BMPR1B: variants seen among roughly 807,000 people sequenced by gnomAD.
The protein encoded by BMPR1B is bone morphogenetic protein receptor type 1B.
BMPR1B carries 12 observed loss-of-function variants against 59.1 expected under a neutral mutation model. The ratio of observed to expected loss-of-function variants is 0.20; its 90% confidence interval spans 0.13 to 0.33. The LOEUF is 0.33. Among genes scored for constraint, BMPR1B ranks in the 10% least tolerant of loss-of-function variants. BMPR1B has a pLI of 1.00. For synonymous variants in BMPR1B, 237 were observed against 207.3 expected (o/e 1.14, Z -1.23); for missense variants, 550 against 610.9 (o/e 0.90, Z 1.05).
intron 2 of BMPR1B, among the ~76,000 whole-genome samples, chr4:94,918,353 A>G (rs1728565307): frequency 6.6e-6 from 1 of 152,148 alleles, no homozygotes; most frequent in African/African-American, 2.4e-5. Context: ...AAATGTAGCA[A>G]TAGAATTGTT....
intron 2 of BMPR1B, among the ~76,000 whole-genome samples, chr4:94,940,804 C>T (rs1405768330): frequency 6.6e-6 from 1 of 152,138 alleles, no homozygotes; most frequent in Non-Finnish European, 1.5e-5. Context: ...TGCTTGCTCT[C>T]GCAGTCCTCT....
Position 94,866,676 on chromosome 4 carries a change from C to T in BMPR1B, c.-182-9155C>T, listed in dbSNP as rs1405865476. Among the ~76,000 whole-genome samples the T allele has an allele frequency of 2.6e-5, 4 of 152,274 alleles. No homozygotes were observed. In the East Asian group the frequency reaches 7.8e-4, roughly 30 times the overall value. Reference sequence around the variant, plus strand: ...CTCGGCTTACTGCAACCTCCGACTCCCTGGTTCAAGCGATTCTCCTGCTTC... The same window carrying T: ...CTCGGCTTACTGCAACCTCCGACTCTCTGGTTCAAGCGATTCTCCTGCTTC... On this transcript the variant is annotated intron_variant, in intron 1 of 12. Transcript: ENST00000515059.
chr4:95,121,117 C>G (rs990944709), intron 6 of BMPR1B, among the ~76,000 whole-genome samples: 1 of 152,154 alleles, frequency 6.6e-6, no homozygotes, highest in Non-Finnish European at 1.5e-5. Flanking sequence ...CAGTCAGTAG[C>G]ATTTCTATAC....
At chr4:95,032,196 T>G (rs1179657838) in intron 3 of BMPR1B, among the ~76,000 whole-genome samples, 1 of 152,070 alleles carries the variant, frequency 6.6e-6, no homozygotes, top group Non-Finnish European at 1.5e-5. Flanking sequence ...CCTGGTGAGC[T>G]CCTGCCTCCT....
intron 6 of BMPR1B, among the ~76,000 whole-genome samples, chr4:95,116,809 T>C (rs776737505): frequency 1.3e-5 from 2 of 152,058 alleles, no homozygotes; most frequent in Non-Finnish European, 2.9e-5. Context: ...TTAACATTTG[T>C]TCCTGTTCTA....
At chr4:94,759,326 C>A (rs1015691088) in intron 1 of BMPR1B, among the ~76,000 whole-genome samples, 2 of 152,208 alleles carry the variant, frequency 1.3e-5, no homozygotes, top group African/African-American at 2.4e-5. Context: ...ACCAAACTTA[C>A]CTGCAGCAAA....
chr4:94,926,638 A>G (rs774125006), intron 2 of BMPR1B, among the ~76,000 whole-genome samples: 3 of 152,114 alleles, frequency 2.0e-5, no homozygotes, highest in Admixed American at 1.3e-4. Flanking sequence ...TTATTTGGCT[A>G]TACATTAGGT....
In BMPR1B at chr4:95,156,902, G is replaced by GT. The variant is rs1735468729; in HGVS notation, c.*2229_*2230insT. ...TAAACAGATCATCTACAAAACAACA[G>GT]GTAAACATTTATGCCAGTTAAGTGG... On this transcript the variant is annotated 3_prime_UTR_variant, in exon 13 of 13. Coordinates refer to ENST00000515059, the MANE Select transcript of BMPR1B (RefSeq NM_001203.3). The GT allele has an allele frequency of 6.6e-6, 1 of 152,056 alleles. No individual in the cohort carries two copies. Among genetic ancestry groups the GT allele is most frequent in the African/African-American group, 2.4e-5 (1 of 41,428 alleles). 9.4% of individuals were successfully genotyped at this position (152,056 alleles called of 1,614,324 possible). A position where few individuals can be genotyped will look rare whatever the true frequency, so the allele number is the denominator to read the frequency against.
intron 1 of BMPR1B, among the ~76,000 whole-genome samples, chr4:94,865,399 T>A (rs879232072): frequency 4.0e-5 from 6 of 151,808 alleles, no homozygotes; most frequent in East Asian, 1.9e-4. Context: ...TTTTTTTTTT[T>A]AATTTTTTTG....
intron 3 of BMPR1B, among the ~76,000 whole-genome samples, chr4:95,072,989 G>A (rs17022948): frequency 0.011 from 1,734 of 152,036 alleles, 25 homozygotes; most frequent in African/African-American, 0.038. Flanking sequence ...CTTGCTTTTG[G>A]TTGCATGATA....
At chr4:95,109,418 A>G (rs900484167) in intron 4 of BMPR1B, among the ~76,000 whole-genome samples, 2 of 152,088 alleles carry the variant, frequency 1.3e-5, no homozygotes, top group Non-Finnish European at 1.5e-5. Context: ...AGTTTGTGTT[A>G]ACTCAGGCTT....
chr4:94,866,443 C>A (rs1483622459), intron 1 of BMPR1B, among the ~76,000 whole-genome samples: 3 of 152,092 alleles, frequency 2.0e-5, no homozygotes, highest in African/African-American at 7.2e-5. Flanking sequence ...CTTTTTCATC[C>A]CTGCTAAACT....
chr4:95,086,412 T>TTA (rs1729580498), intron 3 of BMPR1B, among the ~76,000 whole-genome samples: 1 of 152,216 alleles, frequency 6.6e-6, no homozygotes, highest in South Asian at 2.1e-4. Flanking sequence ...TAGCCATTAA[T>TTA]GCGAACCAGT....
At chr4:95,045,269 C>A (rs1382059860) in intron 3 of BMPR1B, among the ~76,000 whole-genome samples, 2 of 151,998 alleles carry the variant, frequency 1.3e-5, no homozygotes, top group Non-Finnish European at 2.9e-5. Flanking sequence ...ATCTTATCTC[C>A]AAAACTTTAT....
At chr4:94,933,333 G>A (rs1240204135) in intron 2 of BMPR1B, among the ~76,000 whole-genome samples, 4 of 151,754 alleles carry the variant, frequency 2.6e-5, no homozygotes, top group African/African-American at 9.7e-5. Context: ...CATTGTTTCA[G>A]TTTTTACTAT....
intron 1 of BMPR1B, among the ~76,000 whole-genome samples, chr4:94,870,615 C>T (rs557696127): frequency 2.0e-5 from 3 of 152,180 alleles, no homozygotes; most frequent in East Asian, 3.9e-4. Context: ...ATTTAGTGTT[C>T]TACTGTTTAA....
chr4:94,783,854 G>A (rs1159030917), intron 1 of BMPR1B, among the ~76,000 whole-genome samples: 1 of 152,114 alleles, frequency 6.6e-6, no homozygotes, highest in Admixed American at 6.6e-5. Flanking sequence ...GTTTAGAGCT[G>A]GGGGGATGAG....
chr4:95,156,063 A>G lies in BMPR1B; in HGVS notation c.*1390A>G, dbSNP rs1210005011. On this transcript the variant is annotated 3_prime_UTR_variant, in exon 13 of 13. Transcript: ENST00000515059. ...TGCTCAATTCACTATTTAATTTATT[A>G]TATTTTCTCTTCTGTGGCACTTATA... 6.6e-6 allele frequency: 1 copy of G among 152,252 alleles called. No homozygotes were observed. Among genetic ancestry groups the G allele is most frequent in the South Asian group, 2.1e-4 (1 of 4,826 alleles). 9.4% of individuals were successfully genotyped at this position (152,252 alleles called of 1,614,324 possible).
At chr4:94,896,292 G>T (rs1330008427) in intron 2 of BMPR1B, among the ~76,000 whole-genome samples, 1 of 151,878 alleles carries the variant, frequency 6.6e-6, no homozygotes, top group East Asian at 1.9e-4. Context: ...CATTATTTTT[G>T]ACAGTTAAAT....
Sources: gnomAD v4.1 joint callset for allele counts (sites outside exome capture counted in the v4.1 genomes callset) on GRCh38, gnomAD v4.1.1 for gene constraint, MANE v1.5 for transcripts, NCBI Gene and HGNC (gene_info 2026-07-23, HGNC 2026-07-21) for gene names.